The following SH3TC2 variants were observed in gnomAD, a reference collection of about 807,000 sequenced individuals.
SH3TC2 encodes SH3 domain and tetratricopeptide repeat-containing protein 2.
A neutral mutation model predicts 124.5 loss-of-function variants in SH3TC2; 87 were observed. The observed-to-expected ratio is 0.70, with a 90% confidence interval of 0.59 to 0.84. The LOEUF is 0.84. Ranked by LOEUF, SH3TC2 falls within the 40% of genes least tolerant of loss-of-function variation. The pLI is 0.00. For synonymous variants in SH3TC2, 634 were observed against 628.5 expected (o/e 1.01, Z -0.13); for missense variants, 1,536 against 1,566.4 (o/e 0.98, Z 0.33).
At position 148,983,806 on chromosome 5, in the gene SH3TC2, T is replaced by C. The variant is rs1254283618; in HGVS notation, c.*20905A>G. ...TAAGACACTCTTTTTTCTGTTCCAGTCAAACACAGGGGAGAGGGAAGATAA... is the reference window on the plus strand; with the variant it reads ...TAAGACACTCTTTTTTCTGTTCCAGCCAAACACAGGGGAGAGGGAAGATAA... On this transcript the variant is annotated 3_prime_UTR_variant, in exon 17 of 17. Coordinates refer to ENST00000515425, the MANE Select transcript of SH3TC2 (RefSeq NM_024577.4). 3.3e-5 allele frequency among the ~76,000 whole-genome samples: 5 copies of C among 152,108 alleles called. No homozygotes were observed. Among genetic ancestry groups the C allele is most frequent in the Non-Finnish European group, 7.4e-5 (5 of 68,016 alleles).
Position 149,006,671 on chromosome 5 carries a change from A to T in SH3TC2, c.3675+210T>A, listed in dbSNP as rs17109233. Among the ~76,000 whole-genome samples the T allele has an allele frequency of 6.8e-3, 1,033 of 152,294 alleles. 8 individuals are homozygous for T. Among genetic ancestry groups the T allele is most frequent in the Non-Finnish European group, 0.01 (712 of 68,026 alleles). On this transcript the variant is annotated intron_variant, in intron 16 of 16. Coordinates refer to ENST00000515425, the MANE Select transcript of SH3TC2 (RefSeq NM_024577.4). Reference sequence around the variant, plus strand: ...AACCATGGTCTACTCCTCAGCGAAGATGGGAGCACCTTTGAGATCTTCAGC... The same window carrying T: ...AACCATGGTCTACTCCTCAGCGAAGTTGGGAGCACCTTTGAGATCTTCAGC...
At chr5:149,052,358 G>A in intron 1 of SH3TC2, 118 bp from the exon 2 acceptor site, 1 of 748,092 alleles carries the variant, frequency 1.3e-6, no homozygotes, top group South Asian at 1.4e-5. Flanking sequence ...TGGCATGGAA[G>A]AATTCTAATT....
intron 13 of SH3TC2, among the ~76,000 whole-genome samples, chr5:149,011,048 C>A (rs768367549): frequency 6.6e-6 from 1 of 152,246 alleles, no homozygotes; most frequent in Non-Finnish European, 1.5e-5. Context: ...TGGATTTCAT[C>A]TACACAAAAT....
At chr5:149,033,307 G>A (rs993230756) in intron 8 of SH3TC2, among the ~76,000 whole-genome samples, 1 of 152,114 alleles carries the variant, frequency 6.6e-6, no homozygotes, top group African/African-American at 2.4e-5. Context: ...TGAAAACTGG[G>A]TTAGAAGAAC....
In SH3TC2 at chr5:148,990,989, C is replaced by T. The variant is rs538915507; in HGVS notation, c.*13722G>A. 3.9e-5 allele frequency among the ~76,000 whole-genome samples: 6 copies of T among 152,240 alleles called. No individual in the cohort carries two copies. The East Asian group carries it at 1.2e-3, about 29-fold the overall frequency. ...GCTATCTGACTCCAAGCCCTGAGGT[C>T]CCAGCCAAGTTCACAAACTTCATTT... On this transcript the variant is annotated 3_prime_UTR_variant, in exon 17 of 17. Coordinates refer to ENST00000515425, the MANE Select transcript of SH3TC2 (RefSeq NM_024577.4).
Position 149,047,969 on chromosome 5 carries a change from C to A in SH3TC2, c.172G>T (p.Val58Leu), listed in dbSNP as rs1043365625. 6.2e-7 allele frequency: 1 copy of A among 1,614,088 alleles called. No individual in the cohort carries two copies. Among genetic ancestry groups the A allele is most frequent in the African/African-American group, 1.3e-5 (1 of 75,016 alleles). Residue 58 changes from valine to leucine, a missense_variant, in exon 3 of 17, where the codon GTA becomes TTA. By Grantham distance (32) the Val-to-Leu change is conservative. Coordinates refer to ENST00000515425, the MANE Select transcript of SH3TC2 (RefSeq NM_024577.4). ...ACACACCTCCTGGAGCGGCTCTTTA[C>A]ACAGAAGGAGAGTGTCAGGTCTTAA... ...INPDLTLSFC[V>L]KSRSRRCVNG...
At chr5:149,024,453 G>A (rs2127396289) in intron 12 of SH3TC2, among the ~76,000 whole-genome samples, 1 of 152,286 alleles carries the variant, frequency 6.6e-6, no homozygotes, top group African/African-American at 2.4e-5. Flanking sequence ...ACAACTTTAA[G>A]AATCTGCACC....
In SH3TC2 at chr5:149,028,435, A is replaced by G; in HGVS notation, c.1297T>C (p.Ser433Pro). 1 of 1,613,430 alleles carries G rather than the reference A, an allele frequency of 6.2e-7. No individual in the cohort carries two copies. Among genetic ancestry groups the G allele is most frequent in the Admixed American group, 1.7e-5 (1 of 59,982 alleles). The part of the protein sequence containing the change: ...EDSSLEEELL[S>P]ATSDSYRLPE... ...AGGCGATAGCTGTCTGAGGTGGCCG[A>G]GAGGAGCTCCTCCTCCAGGCTGGAG... The change falls in exon 11 of 17, where the codon TCG becomes CCG. Residue 433 changes from serine (S) to proline (P), a missense_variant. Coordinates refer to ENST00000515425, the MANE Select transcript of SH3TC2 (RefSeq NM_024577.4).
Position 148,989,734 on chromosome 5 carries a change from A to G in SH3TC2, c.*14977T>C, listed in dbSNP as rs546967520. Among the ~76,000 whole-genome samples, 5 of 152,334 alleles carry G rather than the reference A, an allele frequency of 3.3e-5. No individual in the cohort carries two copies. The highest frequency in any genetic ancestry group is 1.2e-4 in the African/African-American group (5 of 41,580). ...ATACTGGAACCACTCATTCAAGGGG[A>G]TCTGGAGAGTGACCCAGGATAGAGT... On this transcript the variant is annotated 3_prime_UTR_variant, in exon 17 of 17. Transcript: ENST00000515425.
rs978211393 is a variant in SH3TC2 at position 148,998,791 on chromosome 5, C to T, written c.*5920G>A. Among the ~76,000 whole-genome samples the T allele has an allele frequency of 2.6e-5, 4 of 152,156 alleles. No homozygotes were observed. Among genetic ancestry groups the T allele is most frequent in the Non-Finnish European group, 5.9e-5 (4 of 68,020 alleles). Reference sequence around the variant, plus strand: ...GTGAACGAAGTGCACATTCCCAGAGCCAGCACTTCCAGCAGCCTCCATCCT... The same window carrying T: ...GTGAACGAAGTGCACATTCCCAGAGTCAGCACTTCCAGCAGCCTCCATCCT... On this transcript the variant is annotated 3_prime_UTR_variant, in exon 17 of 17. Coordinates refer to ENST00000515425, the MANE Select transcript of SH3TC2 (RefSeq NM_024577.4).
At chr5:149,053,798 C>T (rs1754597214) in intron 1 of SH3TC2, among the ~76,000 whole-genome samples, 1 of 151,774 alleles carries the variant, frequency 6.6e-6, no homozygotes, top group South Asian at 2.1e-4. Flanking sequence ...ATCTAGGTTG[C>T]CTTTTAAAAA....
intron 7 of SH3TC2, among the ~76,000 whole-genome samples, chr5:149,039,834 T>A (rs1017410558): frequency 2.0e-5 from 3 of 152,234 alleles, no homozygotes; most frequent in Non-Finnish European, 4.4e-5. Flanking sequence ...GCTAAAAATC[T>A]TGTTTGTCAT....
At chr5:149,005,431 G>A (rs867553140) in intron 16 of SH3TC2, among the ~76,000 whole-genome samples, 1 of 152,228 alleles carries the variant, frequency 6.6e-6, no homozygotes, top group Non-Finnish European at 1.5e-5. Flanking sequence ...AGAGCTATCT[G>A]CAGTTAAATT....
At chr5:149,021,864 C>A (rs1238415839) in intron 12 of SH3TC2, among the ~76,000 whole-genome samples, 3 of 141,274 alleles carry the variant, frequency 2.1e-5, no homozygotes, top group African/African-American at 5.1e-5. Flanking sequence ...GAATTAACAC[C>A]AATCCTTCAC....
At chr5:149,041,880 C>T (rs2127400751) in intron 5 of SH3TC2, among the ~76,000 whole-genome samples, 1 of 152,112 alleles carries the variant, frequency 6.6e-6, no homozygotes, top group South Asian at 2.1e-4. Flanking sequence ...TTAATTGGGA[C>T]TTTATCTTGA....
At position 148,982,850 on chromosome 5, in the gene SH3TC2, A is replaced by T. The variant is rs1465388243; in HGVS notation, c.*21861T>A. 6.6e-6 allele frequency among the ~76,000 whole-genome samples: 1 copy of T among 152,244 alleles called. No homozygotes were observed. The highest frequency in any genetic ancestry group is 2.4e-5 in the African/African-American group (1 of 41,460). The stretch of plus-strand genomic sequence containing the variant: ...CATTATTTGTTCATATAGATTACTT[A>T]AAAATACTTTTAAAATAAAAAATGA... On this transcript the variant is annotated 3_prime_UTR_variant, in exon 17 of 17. Transcript: ENST00000515425.
rs958687499 is a variant in SH3TC2, at chr5:149,026,692, T to A, written c.2933A>T (p.Glu978Val). The A allele has an allele frequency of 2.5e-6, 4 of 1,614,060 alleles. No individual in the cohort carries two copies. The Admixed American group carries it at 6.7e-5, about 27-fold the overall frequency. Residue 978 changes from glutamate to valine, a missense_variant, in exon 12 of 17, where the codon GAG (glutamate) becomes GTG (valine). Glu to Val is a moderately radical substitution (Grantham distance 121). This residue lies in a region of SH3TC2 where 426 missense variants were observed against 443.5 expected (regional missense o/e 0.96). Transcript: ENST00000515425. ...HFYSSVSPNP[E>V]ACITYHEHWL... Reference sequence around the variant, plus strand: ...GTGCTCATGGTAGGTGATGCATGCCTCAGGGTTTGGGGACACAGAGCTGTA... The same window carrying A: ...GTGCTCATGGTAGGTGATGCATGCCACAGGGTTTGGGGACACAGAGCTGTA...
intron 13 of SH3TC2, 125 bp downstream of exon 13, chr5:149,012,459 C>G: frequency 7.7e-7 from 1 of 1,302,730 alleles, no homozygotes. Context: ...AGTGTTGACC[C>G]TTTCTCCACA....
At position 149,012,707 on chromosome 5, in the gene SH3TC2, G is replaced by C; in HGVS notation, c.3081C>G (p.Ile1027Met). The C allele has an allele frequency of 6.2e-7, 1 of 1,614,126 alleles. No homozygotes were observed. The highest frequency in any genetic ancestry group is 1.3e-5 in the African/African-American group (1 of 75,014). ...ARSLRRSLTC[I>M]KESLRIFIDL... Reference sequence around the variant, plus strand: ...CAATGAAGATACGCAGGCTCTCCTTGATGCATGTGAGTGACCTCCTGAGGG... The same window carrying C: ...CAATGAAGATACGCAGGCTCTCCTTCATGCATGTGAGTGACCTCCTGAGGG... The change falls in exon 13 of 17, where the codon ATC becomes ATG. Residue 1027 changes from isoleucine to methionine, a missense_variant. Coordinates refer to ENST00000515425, the MANE Select transcript of SH3TC2 (RefSeq NM_024577.4).
Sources: allele counts gnomAD v4.1 joint callset (sites outside exome capture counted in the v4.1 genomes callset), GRCh38; gene constraint gnomAD v4.1.1; regional missense constraint gnomAD v4.1.1; transcripts MANE v1.5; gene names NCBI Gene and HGNC (gene_info 2026-07-23, HGNC 2026-07-21).